ACYP2: variants seen among roughly 807,000 people sequenced by gnomAD.
ACYP2 encodes acylphosphatase-2.
A neutral mutation model predicts 11.2 loss-of-function variants in ACYP2; 12 were observed. The observed-to-expected ratio is 1.08, with a 90% CI of 0.69 to 1.74. ACYP2 has a LOEUF of 1.74. Ranked by LOEUF, ACYP2 falls within the 40% of genes most tolerant of loss-of-function variation. ACYP2 has a pLI of 0.00. For missense variants in ACYP2, 134 were observed against 101.9 expected (o/e 1.31, Z -1.35); for synonymous variants, 43 against 32.2 (o/e 1.33, Z -1.13).
intron 6 of ACYP2, among the ~76,000 whole-genome samples, chr2:54,177,267 C>T (rs1683501265): frequency 6.6e-6 from 1 of 152,104 alleles, no homozygotes; most frequent in African/African-American, 2.4e-5. Context: ...GGTGGGAGGA[C>T]AGAGACTGGG....
chr2:54,085,344 G>A (rs963509259), intron 4 of ACYP2, among the ~76,000 whole-genome samples: 13 of 152,214 alleles, frequency 8.5e-5, no homozygotes, highest in African/African-American at 4.8e-5. Context: ...CGGACTGTCC[G>A]GGGCTGGTTG....
chr2:54,115,682 G>T (rs746369033), intron 4 of ACYP2: 1 of 1,609,576 alleles, frequency 6.2e-7, no homozygotes, highest in Admixed American at 1.7e-5. Flanking sequence ...CTCCTCAACA[G>T]AGGGCTCGCC....
chr2:53,976,984 C>A (rs1330833416), intron 2 of ACYP2, among the ~76,000 whole-genome samples: 1 of 152,000 alleles, frequency 6.6e-6, no homozygotes, highest in East Asian at 1.9e-4. Flanking sequence ...TTTGTAATTT[C>A]TTTGTACTCC....
intron 6 of ACYP2, among the ~76,000 whole-genome samples, chr2:54,154,756 T>G (rs759431322): frequency 6.6e-5 from 10 of 152,208 alleles, no homozygotes; most frequent in Non-Finnish European, 1.3e-4. Context: ...TGTTCTTGTC[T>G]GGCTTTGGTA....
chr2:53,986,342 CTTT>C (rs61669504), intron 2 of ACYP2, among the ~76,000 whole-genome samples: 13 of 142,462 alleles, frequency 9.1e-5, no homozygotes, highest in Admixed American at 2.1e-4. Context: ...AAGTAAACCT[CTTT>C]TTTTTTTTTT....
intron 6 of ACYP2, among the ~76,000 whole-genome samples, chr2:54,201,680 T>TTCTTTCTTTCTTTCTTTCTTTCTTTCTC (rs1395606887): frequency 2.4e-4 from 26 of 107,314 alleles, no homozygotes; most frequent in Non-Finnish European, 4.2e-4. Context: ...CTTTCTTTCT[T>TTCTTTCTTTCTTTCTTTCTTTCTTTCTC]TCTCTCTCTC....
intron 4 of ACYP2, among the ~76,000 whole-genome samples, chr2:54,068,342 C>T (rs1219044871): frequency 6.6e-6 from 1 of 152,170 alleles, no homozygotes; most frequent in Non-Finnish European, 1.5e-5. Flanking sequence ...GGCTGGATTG[C>T]AGGTAGCAGG....
rs568552286 is a variant in ACYP2 at position 54,162,032 on chromosome 2, T to C, written c.404+23284T>C. Among the ~76,000 whole-genome samples, 10 of 152,290 alleles carry C rather than the reference T, an allele frequency of 6.6e-5. No individual in the cohort carries two copies. The South Asian group carries it at 1.7e-3, about 25-fold the overall frequency. ...CTTTTCTTGTTGTTTCACAACCATATAGATTCTTACTTTTTTTTGTTATTG... is the reference window on the plus strand; with the variant it reads ...CTTTTCTTGTTGTTTCACAACCATACAGATTCTTACTTTTTTTTGTTATTG... On this transcript the variant is annotated intron_variant, in intron 6 of 6. Coordinates refer to ENST00000607452, the MANE Select transcript of ACYP2 (RefSeq NM_001320586.2).
chr2:54,025,670 G>GAGACATCGACTTAGTCTA (rs1244035713), intron 2 of ACYP2, among the ~76,000 whole-genome samples: 25 of 152,180 alleles, frequency 1.6e-4, no homozygotes, highest in Admixed American at 5.2e-4. Flanking sequence ...GTCTTAGTCT[G>GAGACATCGACTTAGTCTA]AGACATCGAC....
intron 6 of ACYP2, among the ~76,000 whole-genome samples, chr2:54,198,394 C>T (rs1233055764): frequency 6.6e-6 from 1 of 151,922 alleles, no homozygotes; most frequent in Middle Eastern, 3.2e-3. Flanking sequence ...AGCCAGGAAC[C>T]AGTTAGGAAG....
chr2:54,162,073 A>G (rs1682739148), intron 6 of ACYP2, among the ~76,000 whole-genome samples: 1 of 152,182 alleles, frequency 6.6e-6, no homozygotes, highest in African/African-American at 2.4e-5. Flanking sequence ...TTGCTGGACC[A>G]AATCCAAATT....
chr2:54,177,548 C>G lies in ACYP2; in HGVS notation c.404+38800C>G, dbSNP rs538145053. ...CTCCGTTTGAGTATGCCATCTATTT[C>G]CTGGCAGGACCAGGACTGATACCTA... On this transcript the variant is annotated intron_variant, in intron 6 of 6. Transcript: ENST00000607452. Among the ~76,000 whole-genome samples, 62 of 137,138 alleles carry G rather than the reference C, an allele frequency of 4.5e-4. 1 individual carries two copies. In the South Asian group the frequency reaches 7.9e-3, roughly 17 times the overall value. 90.0% of individuals were successfully genotyped at this position (137,138 alleles called of 152,430 possible). A position where few individuals can be genotyped will look rare whatever the true frequency, so the allele number is the denominator to read the frequency against.
intron 4 of ACYP2, among the ~76,000 whole-genome samples, chr2:54,097,514 G>A (rs188743685): frequency 9.9e-5 from 15 of 152,270 alleles, no homozygotes; most frequent in Non-Finnish European, 1.8e-4. Flanking sequence ...CAACAACAGT[G>A]TATTATTTTG....
In ACYP2 at chr2:54,124,915, G is replaced by A. The variant is rs553260777; in HGVS notation, c.278-10538G>A. On this transcript the variant is annotated intron_variant, in intron 4 of 6. Coordinates refer to ENST00000607452, the MANE Select transcript of ACYP2 (RefSeq NM_001320586.2). ...GGCATGTACTGTCATGCCCAGCTAC[G>A]TTTTGTATTCATATTTTTTGTAGAG... is the stretch of plus-strand genomic sequence containing the variant. 3.3e-5 allele frequency among the ~76,000 whole-genome samples: 5 copies of A among 152,056 alleles called. No individual in the cohort carries two copies. In the East Asian group the frequency reaches 7.8e-4, roughly 24 times the overall value.
At chr2:54,294,173 G>A (rs1339052337) in intron 6 of ACYP2, among the ~76,000 whole-genome samples, 3 of 152,186 alleles carry the variant, frequency 2.0e-5, no homozygotes, top group African/African-American at 7.2e-5. Flanking sequence ...ATTATTGATA[G>A]TGTTAGCTTT....
rs142438121 is a variant in ACYP2, at chr2:54,081,213, C to T, written c.277+23853C>T. Among the ~76,000 whole-genome samples the T allele has an allele frequency of 1.7e-4, 26 of 152,188 alleles. No homozygotes were observed. In the East Asian group the frequency reaches 5.0e-3, roughly 29 times the overall value. On this transcript the variant is annotated intron_variant, in intron 4 of 6. Coordinates refer to ENST00000607452, the MANE Select transcript of ACYP2 (RefSeq NM_001320586.2). ...TTATAATACTGCTATAGTTTGTGCT[C>T]CATGAGTACTGGAATTCTGAAAAAC...
intron 4 of ACYP2, among the ~76,000 whole-genome samples, chr2:54,067,975 G>A (rs571380095): frequency 6.6e-6 from 1 of 152,300 alleles, no homozygotes; most frequent in East Asian, 1.9e-4. Flanking sequence ...AAAACATTGA[G>A]GGAAGGAGAA....
intron 6 of ACYP2, among the ~76,000 whole-genome samples, chr2:54,233,607 C>A (rs1682134): frequency 0.06 from 9,171 of 152,126 alleles, 384 homozygotes; most frequent in Non-Finnish European, 0.09. Context: ...TGCCTGGCCC[C>A]AAACATTTTC....
chr2:53,994,511 TCAG>T (rs1558459446), intron 2 of ACYP2, among the ~76,000 whole-genome samples: 1 of 40,412 alleles, frequency 2.5e-5, no homozygotes, highest in Non-Finnish European at 4.3e-5. Context: ...AGAGTAAGAC[TCAG>T]AAAAAAAAAA....
Sources: allele counts gnomAD v4.1 joint callset (sites outside exome capture counted in the v4.1 genomes callset), GRCh38; gene constraint gnomAD v4.1.1; transcripts MANE v1.5; gene names NCBI Gene and HGNC (gene_info 2026-07-23, HGNC 2026-07-21).